The following TPD52 variants were observed in gnomAD, a reference collection of about 807,000 sequenced individuals.
TPD52 encodes tumor protein D52, also known as prostate and colon associated protein.
TPD52 carries 17 observed loss-of-function variants against 31.3 expected under a neutral mutation model. The observed-to-expected ratio is 0.54, with a 90% CI of 0.37 to 0.82. The LOEUF is 0.82. Among genes scored for constraint, TPD52 ranks in the 40% least tolerant of loss-of-function variants. The pLI, the probability that TPD52 is intolerant of heterozygous loss-of-function variation, is 0.00. For missense variants in TPD52, 212 were observed against 240.1 expected, an observed-to-expected ratio of 0.88 and a Z score of 0.77; for synonymous variants, 83 against 89.6, an observed-to-expected ratio of 0.93 and a Z score of 0.42.
At chr8:80,109,510 G>A (rs1415386032) in intron 1 of TPD52, among the ~76,000 whole-genome samples, 4 of 152,090 alleles carry the variant, frequency 2.6e-5, no homozygotes, top group African/African-American at 9.7e-5. Flanking sequence ...AGGTTCAAGC[G>A]ATTCTCCTGC....
At position 80,042,263 on chromosome 8, in the gene TPD52, C is replaced by G. The variant is rs373511646; in HGVS notation, c.504+357G>C. The G allele has an allele frequency of 3.4e-4, 339 of 985,318 alleles. No homozygotes were observed. The Middle Eastern group carries it at 0.013, about 36-fold the overall frequency. The allele number at this position is 985,318 out of a possible 1,614,324, so 61.0% of individuals were successfully genotyped here. On this transcript the variant is annotated intron_variant, in intron 7 of 7. Transcript: ENST00000518937. ...GTAGGACCAATTTTTTGTTTTCTTT[C>G]TTGTGCTTCCTATATTCTTGTTAAT...
chr8:80,110,245 C>T (rs1183571280), intron 1 of TPD52, among the ~76,000 whole-genome samples: 1 of 152,112 alleles, frequency 6.6e-6, no homozygotes, highest in Non-Finnish European at 1.5e-5. Context: ...GTATTATCCT[C>T]CTGGTAGTCA....
Position 80,051,922 on chromosome 8 carries a change from C to T in TPD52, c.285-294G>A, listed in dbSNP as rs557488550. The T allele has an allele frequency of 1.5e-3, 444 of 290,786 alleles. 1 individual carries two copies. Among genetic ancestry groups the T allele is most frequent in the Middle Eastern group, 3.7e-3 (4 of 1,070 alleles). The allele number at this position is 290,786 out of a possible 1,614,324, so 18.0% of individuals were successfully genotyped here. Reference sequence around the variant, plus strand: ...TAAGGGCTAAAAATAATCATCAAACCAAGATGAAAATAAGCAAAGGCCTGA... The same window carrying T: ...TAAGGGCTAAAAATAATCATCAAACTAAGATGAAAATAAGCAAAGGCCTGA... On this transcript the variant is annotated intron_variant, in intron 3 of 7. Coordinates refer to ENST00000518937, the MANE Select transcript of TPD52 (RefSeq NM_001025253.3).
At chr8:80,080,617 TG>T (rs1295659385) in intron 1 of TPD52, 1 of 1,376,306 alleles carries the variant, frequency 7.3e-7, no homozygotes, top group Non-Finnish European at 9.4e-7. Flanking sequence ...CATTTCCTTT[TG>T]GGAGCCTTCA....
intron 1 of TPD52, among the ~76,000 whole-genome samples, chr8:80,104,247 T>G (rs753357656): frequency 2.0e-5 from 3 of 152,220 alleles, no homozygotes; most frequent in African/African-American, 2.4e-5. Flanking sequence ...GTCTCCCAGC[T>G]CCTTCCCAGT....
intron 1 of TPD52, among the ~76,000 whole-genome samples, chr8:80,094,773 T>A (rs938960262): frequency 1.7e-4 from 26 of 151,226 alleles, no homozygotes; most frequent in Non-Finnish European, 3.0e-4. Context: ...AAAAAAAAAA[T>A]GATCACTTAA....
intron 5 of TPD52, among the ~76,000 whole-genome samples, chr8:80,045,804 A>G (rs1810789384): frequency 6.6e-6 from 1 of 152,216 alleles, no homozygotes; most frequent in Non-Finnish European, 1.5e-5. Flanking sequence ...GTATTTGTGC[A>G]ACACATTCTT....
At chr8:80,126,294 C>CT (rs1406619286) in intron 1 of TPD52, among the ~76,000 whole-genome samples, 1 of 150,524 alleles carries the variant, frequency 6.6e-6, no homozygotes, top group Non-Finnish European at 1.5e-5. Flanking sequence ...TGGTTTTATT[C>CT]TTTTCTTTCA....
intron 1 of TPD52, among the ~76,000 whole-genome samples, chr8:80,085,139 AAG>A: frequency 6.6e-6 from 1 of 152,336 alleles, no homozygotes; most frequent in South Asian, 2.1e-4. Context: ...AACCAAAAGA[AAG>A]AAAATGGGCA....
At chr8:80,139,990 T>C (rs148696972) in intron 1 of TPD52, among the ~76,000 whole-genome samples, 1 of 152,154 alleles carries the variant, frequency 6.6e-6, no homozygotes, top group Admixed American at 6.5e-5. Flanking sequence ...TCTAATTTCA[T>C]ATCTGACTGA....
At chr8:80,048,146 T>G (rs1403591991) in intron 5 of TPD52, among the ~76,000 whole-genome samples, 1 of 152,206 alleles carries the variant, frequency 6.6e-6, no homozygotes, top group Non-Finnish European at 1.5e-5. Context: ...ACAGCACTCA[T>G]GACCACGTCC....
intron 5 of TPD52, among the ~76,000 whole-genome samples, chr8:80,048,645 A>C (rs939463324): frequency 2.0e-5 from 3 of 152,250 alleles, no homozygotes; most frequent in African/African-American, 7.2e-5. Context: ...TAAAAGATGT[A>C]GGTTTTCTTT....
chr8:80,052,618 T>C, intron 3 of TPD52: 1 of 1,288,154 alleles, frequency 7.8e-7, no homozygotes, highest in South Asian at 1.2e-5. Flanking sequence ...GCTCTGCAGA[T>C]GGCTCTCAAT....
At chr8:80,147,868 CT>C (rs1810311515) in intron 1 of TPD52, among the ~76,000 whole-genome samples, 1 of 151,986 alleles carries the variant, frequency 6.6e-6, no homozygotes, top group Admixed American at 6.6e-5. Context: ...CCCACACCCC[CT>C]GTACTTTATT....
intron 1 of TPD52, among the ~76,000 whole-genome samples, chr8:80,135,618 C>T (rs983075388): frequency 7.9e-5 from 12 of 151,488 alleles, no homozygotes; most frequent in African/African-American, 2.9e-4. Flanking sequence ...TTGACCCAGC[C>T]ATCCCATTAC....
chr8:80,156,478 C>A (rs990402753), intron 1 of TPD52, among the ~76,000 whole-genome samples: 1 of 152,112 alleles, frequency 6.6e-6, no homozygotes, highest in African/African-American at 2.4e-5. Flanking sequence ...GGAGTATCAA[C>A]GAATGTGTGA....
In TPD52 at chr8:80,171,436, C is replaced by G. The variant is rs758766628; in HGVS notation, c.8G>C (p.Arg3Pro). ...GTCCGCGCCCTCACCTTGCTCGCCG[C>G]GGTCCATGTCTCCAGCCCGCCGCCT... MD[R>P]GEQGLLRTDP... Residue 3 changes from arginine (R) to proline (P), a missense_variant, in exon 1 of 8, where the codon CGC (arginine) becomes CCC (proline). Transcript: ENST00000518937. 2 of 1,594,522 alleles carry G rather than the reference C, an allele frequency of 1.3e-6. No individual in the cohort carries two copies. The highest frequency in any genetic ancestry group is 1.9e-4 in the Middle Eastern group (1 of 5,284).
chr8:80,073,059 A>G (rs1393056384), intron 1 of TPD52, among the ~76,000 whole-genome samples: 1 of 151,832 alleles, frequency 6.6e-6, no homozygotes, highest in Non-Finnish European at 1.5e-5. Flanking sequence ...AGCCGAGATC[A>G]CCCACTGCAC....
chr8:80,147,417 A>G (rs979487038), intron 1 of TPD52, among the ~76,000 whole-genome samples: 9 of 152,176 alleles, frequency 5.9e-5, no homozygotes, highest in Non-Finnish European at 2.9e-5. Flanking sequence ...TTTTACTCCA[A>G]AACTCTCAAC....
Sources: allele counts gnomAD v4.1 joint callset (sites outside exome capture counted in the v4.1 genomes callset), GRCh38; gene constraint gnomAD v4.1.1; transcripts MANE v1.5; gene names NCBI Gene and HGNC (gene_info 2026-07-23, HGNC 2026-07-21).